SLC37A1: variants seen among roughly 807,000 people sequenced by gnomAD.
SLC37A1 encodes the protein solute carrier family 37 member 1.
A neutral mutation model predicts 75.3 loss-of-function variants in SLC37A1; 49 were observed. The ratio of observed to expected loss-of-function variants is 0.65; its 90% CI spans 0.52 to 0.83. The LOEUF is 0.83. SLC37A1 is among the 40% of genes least tolerant of loss of function. The pLI is 0.00. For missense variants in SLC37A1, 566 were observed against 695.0 expected (o/e 0.81, Z 2.09); for synonymous variants, 268 against 292.1 (o/e 0.92, Z 0.84).
In SLC37A1 at chr21:42,568,444, CAGAG is replaced by C; in HGVS notation, c.1423+9_1423+12del. ...TGACGGGACGGGCTCTGTAGGTGCG[CAGAG>C]AGTTTTAGCTCTGGGAGGTTTGGTG... On this transcript the variant is annotated splice_region_variant and intron_variant, in intron 17 of 19. Coordinates refer to ENST00000352133, the MANE Select transcript of SLC37A1 (RefSeq NM_001320537.2). 1 of 1,613,336 alleles carries C rather than the reference CAGAG, an allele frequency of 6.2e-7. No homozygotes were observed. Among genetic ancestry groups the C allele is most frequent in the South Asian group, 1.1e-5 (1 of 90,864 alleles).
chr21:42,516,484 C>T (rs764795315), intron 1 of SLC37A1, among the ~76,000 whole-genome samples: 31 of 152,208 alleles, frequency 2.0e-4, no homozygotes, highest in Admixed American at 2.6e-4. Flanking sequence ...ATGAAGTGGT[C>T]TTTAGTGGTG....
At chr21:42,527,156 G>C (rs2054817101) in intron 3 of SLC37A1, among the ~76,000 whole-genome samples, 1 of 152,164 alleles carries the variant, frequency 6.6e-6, no homozygotes, top group Admixed American at 6.5e-5. Flanking sequence ...TTTACAGGTG[G>C]GAGAACTGCC....
chr21:42,564,636 T>C (rs2055925605), intron 13 of SLC37A1, 72 bp from the exon 14 acceptor site: 2 of 1,234,680 alleles, frequency 1.6e-6, no homozygotes, highest in Non-Finnish European at 2.4e-6. Context: ...TCCGAGCTCC[T>C]GCAGTTCTGC....
intron 2 of SLC37A1, among the ~76,000 whole-genome samples, chr21:42,523,272 A>G (rs556732955): frequency 6.6e-6 from 1 of 152,280 alleles, no homozygotes; most frequent in Admixed American, 6.5e-5. Context: ...AACTTTGTTC[A>G]CCTGTTTTGA....
At chr21:42,533,714 T>G (rs2055057457) in intron 3 of SLC37A1, among the ~76,000 whole-genome samples, 1 of 152,174 alleles carries the variant, frequency 6.6e-6, no homozygotes, top group Non-Finnish European at 1.5e-5. Context: ...CTAAGCTCTG[T>G]GCAAAAAGCC....
intron 10 of SLC37A1, among the ~76,000 whole-genome samples, chr21:42,557,302 C>T (rs1268075716): frequency 1.3e-5 from 2 of 152,244 alleles, no homozygotes; most frequent in Non-Finnish European, 2.9e-5. Flanking sequence ...TTCCGTGGGG[C>T]TGGGGGAATT....
At chr21:42,529,203 A>G (rs1255775605) in intron 3 of SLC37A1, among the ~76,000 whole-genome samples, 1 of 152,242 alleles carries the variant, frequency 6.6e-6, no homozygotes, top group Non-Finnish European at 1.5e-5. Flanking sequence ...GAGCTTATTT[A>G]ATAAATTTAA....
At chr21:42,565,705 G>T (rs2055958929) in intron 14 of SLC37A1, 122 bp from the exon 15 acceptor site, 5 of 848,380 alleles carry the variant, frequency 5.9e-6, no homozygotes, top group Non-Finnish European at 9.6e-6. Context: ...TTTTTTAGGG[G>T]TTTCCACTCT....
At chr21:42,511,605 T>C (rs767573361), upstream of SLC37A1, among the ~76,000 whole-genome samples, 6 of 152,228 alleles carry the variant, frequency 3.9e-5, no homozygotes, top group East Asian at 1.2e-3. Flanking sequence ...TGGCAACATA[T>C]CAAGACCCTG....
upstream of SLC37A1, among the ~76,000 whole-genome samples, chr21:42,509,069 T>C (rs1352619048): frequency 6.6e-6 from 1 of 152,200 alleles, no homozygotes; most frequent in African/African-American, 2.4e-5. The surrounding 1 kb of genome is among the most constrained non-coding windows in gnomAD (Gnocchi z 4.2). Flanking sequence ...CCAATAGTTT[T>C]AAAATCAAAT....
In SLC37A1 at chr21:42,525,877, C is replaced by T. The variant is rs752611788; in HGVS notation, c.138+20C>T. 5 of 1,592,970 alleles carry T rather than the reference C, an allele frequency of 3.1e-6. No homozygotes were observed. In the East Asian group the frequency reaches 1.1e-4, roughly 36 times the overall value. On this transcript the variant is annotated intron_variant, in intron 3 of 19. Coordinates refer to ENST00000352133, the MANE Select transcript of SLC37A1 (RefSeq NM_001320537.2). ...GTTAAGGTAAGAATCATGGAAAGCA[C>T]TGCCTGTCGTCTCTGTGAGGAGTTC...
In SLC37A1 at chr21:42,561,887, C is replaced by A. The variant is rs2055839920; in HGVS notation, c.982-191C>A. ...GTGCCCCTGCTCGGGGTGAGCGCTC[C>A]ACTGTTCCCGCGTCCTCACTACACC... On this transcript the variant is annotated intron_variant, in intron 11 of 19. Transcript: ENST00000352133. The A allele has an allele frequency of 1.4e-5, 8 of 567,756 alleles. No homozygotes were observed. In the East Asian group the frequency reaches 2.0e-4, roughly 14 times the overall value. The allele number at this position is 567,756 out of a possible 1,614,324, so 35.2% of individuals were successfully genotyped here. A position where few individuals can be genotyped will look rare whatever the true frequency, so the allele number is the denominator to read the frequency against.
intron 9 of SLC37A1, among the ~76,000 whole-genome samples, chr21:42,549,047 T>C (rs1363230321): frequency 5.9e-5 from 9 of 152,240 alleles, no homozygotes; most frequent in Admixed American, 3.9e-4. Flanking sequence ...ATGGTTGATA[T>C]TTTAAAATGT....
chr21:42,508,110 G>A (rs1003726534), intron 2 of SLC37A1, among the ~76,000 whole-genome samples: 2 of 148,484 alleles, frequency 1.3e-5, no homozygotes, highest in Admixed American at 6.7e-5. Context: ...TAACTGGACT[G>A]AAGAGTACGC....
intron 1 of SLC37A1, among the ~76,000 whole-genome samples, chr21:42,500,183 T>C (rs866201738): frequency 1.9e-4 from 29 of 152,346 alleles, no homozygotes; most frequent in Middle Eastern, 3.4e-3. Context: ...ATCTTAACTA[T>C]AGAACTATGA....
intron 17 of SLC37A1, among the ~76,000 whole-genome samples, chr21:42,568,819 C>T (rs2056049152): frequency 6.6e-6 from 1 of 152,206 alleles, no homozygotes; most frequent in African/African-American, 2.4e-5. Context: ...GTGTTACCAG[C>T]ATCGTCGAAG....
chr21:42,575,097 C>T, intron 18 of SLC37A1, 182 bp downstream of exon 18: 1 of 985,470 alleles, frequency 1.0e-6, no homozygotes, highest in Non-Finnish European at 1.2e-6. Context: ...AAGTCAGAAA[C>T]AGAAGCAGGA....
At chr21:42,540,212 C>G (rs2055241811) in intron 6 of SLC37A1, among the ~76,000 whole-genome samples, 2 of 152,226 alleles carry the variant, frequency 1.3e-5, no homozygotes, top group Non-Finnish European at 2.9e-5. Context: ...CGGGACAGGG[C>G]GTTCCACCTA....
Position 42,564,780 on chromosome 21 carries a change from T to C in SLC37A1, c.1208T>C (p.Leu403Pro), listed in dbSNP as rs1284620102. ...RASTCGLMLLLAAPTLYIFST... is the reference protein window; with the variant it reads ...RASTCGLMLLPAAPTLYIFST... ...TCCACCTGCGGCCTGATGCTGCTGC[T>C]CGCGGCCCCCACGGTCAGCCGTGCT... is the stretch of plus-strand genomic sequence containing the variant. Residue 403 changes from leucine to proline, a missense_variant, in exon 14 of 20, where the codon CTC (leucine) becomes CCC (proline). Transcript: ENST00000352133. 1.2e-6 allele frequency: 2 copies of C among 1,606,408 alleles called. No individual in the cohort carries two copies. The highest frequency in any genetic ancestry group is 3.3e-5 in the Admixed American group (2 of 60,028).
Sources: allele counts gnomAD v4.1 joint callset (sites outside exome capture counted in the v4.1 genomes callset), GRCh38; gene constraint gnomAD v4.1.1; non-coding constraint Gnocchi (gnomAD v3.1); transcripts MANE v1.5; gene names NCBI Gene and HGNC (gene_info 2026-07-23, HGNC 2026-07-21).